The following PRIM2 variants were observed in gnomAD, a reference collection of about 807,000 sequenced individuals.
PRIM2 encodes the protein DNA primase subunit 2, also known as DNA primase large subunit.
In PRIM2, 39 loss-of-function variants were observed where a neutral mutation model predicts 67.3. The observed-to-expected ratio is 0.58, with a 90% confidence interval of 0.45 to 0.76. PRIM2 has a LOEUF of 0.76. PRIM2 is among the 30% of genes least tolerant of loss of function. The pLI, the probability that PRIM2 is intolerant of heterozygous loss-of-function variation, is 0.00. For synonymous variants in PRIM2, 143 were observed against 198.7 expected (o/e 0.72, Z 2.36); for missense variants, 398 against 598.7 (o/e 0.66, Z 3.50).
intron 7 of PRIM2, among the ~76,000 whole-genome samples, chr6:57,405,338 A>G (rs1325868469): frequency 9.9e-5 from 15 of 151,026 alleles, no homozygotes; most frequent in Admixed American, 9.2e-4. Context: ...CTGAGAGTGT[A>G]ATTTTTAACA....
intron 5 of PRIM2, among the ~76,000 whole-genome samples, chr6:57,353,057 ATG>A (rs1055092380): frequency 2.9e-4 from 43 of 148,068 alleles, no homozygotes; most frequent in Non-Finnish European, 5.5e-4. Flanking sequence ...TCAGTTGGAT[ATG>A]TGTCATATCC....
chr6:57,326,194 T>C (rs1767848613), intron 5 of PRIM2, 149 bp downstream of exon 5: 1 of 762,994 alleles, frequency 1.3e-6, no homozygotes, highest in Admixed American at 3.8e-5. Context: ...GATAACAATA[T>C]ATCTTTCCTT....
At chr6:57,271,658 G>T in the PRIM2 span, among the ~76,000 whole-genome samples, 2 of 152,002 alleles carry the variant, frequency 1.3e-5, no homozygotes, top group Non-Finnish European at 2.9e-5. Context: ...GTTATTTCTT[G>T]CCTTCTGCTG....
chr6:57,597,336 GA>G (rs1776385134), intron 10 of PRIM2, among the ~76,000 whole-genome samples: 1 of 150,980 alleles, frequency 6.6e-6, no homozygotes, highest in Non-Finnish European at 1.5e-5. Context: ...GACATTTTAA[GA>G]AGATGACTAG....
intron 10 of PRIM2, among the ~76,000 whole-genome samples, chr6:57,593,573 C>T (rs1259171871): frequency 1.4e-3 from 212 of 152,250 alleles, no homozygotes; most frequent in Non-Finnish European, 2.6e-3. Context: ...AAAGTACTGG[C>T]GTGAGCCACC....
chr6:57,403,846 C>G (rs1198834789), intron 7 of PRIM2, among the ~76,000 whole-genome samples: 5 of 151,790 alleles, frequency 3.3e-5, no homozygotes, highest in Admixed American at 2.6e-4. Context: ...TAGATATTGT[C>G]TTAGTTTGGG....
At chr6:57,305,296 C>T in the PRIM2 span, among the ~76,000 whole-genome samples, 3 of 152,174 alleles carry the variant, frequency 2.0e-5, no homozygotes, top group Non-Finnish European at 4.4e-5. Context: ...AGGATTACAT[C>T]ATAAAGTGTA....
chr6:57,603,199 T>G (rs1776501292), intron 11 of PRIM2, among the ~76,000 whole-genome samples: 1 of 152,228 alleles, frequency 6.6e-6, no homozygotes, highest in African/African-American at 2.4e-5. Context: ...TCTTAGGTAT[T>G]GTATTTTGTT....
At chr6:57,450,806 A>G (rs1772519157) in intron 7 of PRIM2, among the ~76,000 whole-genome samples, 1 of 152,228 alleles carries the variant, frequency 6.6e-6, no homozygotes, top group Non-Finnish European at 1.5e-5. Flanking sequence ...TGTAGTAGGT[A>G]CTTAAGGCTT....
At chr6:57,362,117 C>T (rs1156417188) in intron 5 of PRIM2, among the ~76,000 whole-genome samples, 1 of 152,152 alleles carries the variant, frequency 6.6e-6, no homozygotes, top group Non-Finnish European at 1.5e-5. Context: ...ATACCTTTGT[C>T]AAAGCCATAG....
At chr6:57,388,570 A>G (rs1770226222) in intron 7 of PRIM2, among the ~76,000 whole-genome samples, 1 of 152,150 alleles carries the variant, frequency 6.6e-6, no homozygotes, top group South Asian at 2.1e-4. Context: ...CCTATAAGGC[A>G]GGTACCATTA....
rs370963796 is a variant in PRIM2, at chr6:57,417,265, C to A, written c.693+35097C>A. ...TACAGGCGTGAGCCAGCATGCCTGG[C>A]CTTCACTTTCATATCATTTATGTGT... On this transcript the variant is annotated intron_variant, in intron 7 of 13. Coordinates refer to ENST00000615550, the MANE Select transcript of PRIM2 (RefSeq NM_000947.5). Among the ~76,000 whole-genome samples, 237 of 152,188 alleles carry A rather than the reference C, an allele frequency of 1.6e-3. 3 individuals carry two copies. The highest frequency in any genetic ancestry group is 5.5e-3 in the African/African-American group (230 of 41,536).
At chr6:57,334,194 A>G (rs1004296685) in intron 5 of PRIM2, among the ~76,000 whole-genome samples, 1 of 152,108 alleles carries the variant, frequency 6.6e-6, no homozygotes, top group Non-Finnish European at 1.5e-5. Context: ...TATTTACTTA[A>G]CGTAATATCC....
At chr6:57,479,674 G>T (rs1347673040) in intron 7 of PRIM2, among the ~76,000 whole-genome samples, 3 of 152,166 alleles carry the variant, frequency 2.0e-5, no homozygotes, top group African/African-American at 4.8e-5. Context: ...ATTCAAATGC[G>T]CCACTGTCCT....
At chr6:57,558,297 T>C (rs1236402840) in intron 10 of PRIM2, among the ~76,000 whole-genome samples, 1 of 152,116 alleles carries the variant, frequency 6.6e-6, no homozygotes, top group South Asian at 2.1e-4. Context: ...GTAGTAAGCA[T>C]AGTAGGAGGA....
chr6:57,356,575 A>G (rs927687478), intron 5 of PRIM2, among the ~76,000 whole-genome samples: 6 of 152,218 alleles, frequency 3.9e-5, no homozygotes, highest in Admixed American at 3.3e-4. Flanking sequence ...ATTAAAATGA[A>G]TAAGCACAGA....
intron 7 of PRIM2, among the ~76,000 whole-genome samples, chr6:57,498,371 A>G (rs1774052753): frequency 6.6e-6 from 1 of 152,188 alleles, no homozygotes; most frequent in African/African-American, 2.4e-5. Context: ...ATGCAAAGAC[A>G]TTTTGAAAAA....
At chr6:57,340,535 G>C (rs1293542573) in intron 5 of PRIM2, among the ~76,000 whole-genome samples, 1 of 152,146 alleles carries the variant, frequency 6.6e-6, no homozygotes, top group East Asian at 1.9e-4. Flanking sequence ...CATAAAAAAT[G>C]ATGAGTTCAT....
the PRIM2 span, among the ~76,000 whole-genome samples, chr6:57,269,685 T>C: frequency 6.6e-6 from 1 of 152,164 alleles, no homozygotes; most frequent in Non-Finnish European, 1.5e-5. Context: ...TTTTGGTGTT[T>C]TAGACATGAG....
Sources: allele counts gnomAD v4.1 joint callset (sites outside exome capture counted in the v4.1 genomes callset), GRCh38; gene constraint gnomAD v4.1.1; transcripts MANE v1.5; gene names NCBI Gene and HGNC (gene_info 2026-07-23, HGNC 2026-07-21).